Variants in ARHGAP26 observed in about 807,000 individuals in gnomAD.
ARHGAP26 encodes rho GTPase-activating protein 26.
A neutral mutation model predicts 104.8 loss-of-function variants in ARHGAP26; 38 were observed. The observed-to-expected ratio is 0.36, with a 90% CI of 0.28 to 0.48. The LOEUF (loss-of-function observed/expected upper bound fraction) is 0.48, where lower values mean the gene tolerates loss of function less well. Among genes scored for constraint, ARHGAP26 ranks in the 20% least tolerant of loss-of-function variants. The pLI is 0.99. For synonymous variants in ARHGAP26, 341 were observed against 340.0 expected, an observed-to-expected ratio of 1.00 and a Z score of -0.03; for missense variants, 704 against 947.9, an observed-to-expected ratio of 0.74 and a Z score of 3.38.
intron 18 of ARHGAP26, among the ~76,000 whole-genome samples, chr5:143,132,131 A>G (rs1797427696): frequency 1.3e-5 from 2 of 152,058 alleles, no homozygotes; most frequent in South Asian, 4.1e-4. Flanking sequence ...TCTAGGGAAG[A>G]TATGATACTG....
intron 11 of ARHGAP26, among the ~76,000 whole-genome samples, chr5:142,942,436 C>G (rs996205425): frequency 2.6e-5 from 4 of 152,148 alleles, no homozygotes; most frequent in Non-Finnish European, 5.9e-5. Context: ...GGTGTGATAA[C>G]TTCTGTAAGT....
chr5:142,895,443 G>T (rs985721229), intron 6 of ARHGAP26, among the ~76,000 whole-genome samples: 6 of 152,016 alleles, frequency 3.9e-5, no homozygotes, highest in Admixed American at 3.9e-4. Context: ...TGTTGGCCAG[G>T]ATGGTCTCGA....
chr5:143,097,431 G>A (rs1298846345), intron 17 of ARHGAP26, among the ~76,000 whole-genome samples: 1 of 150,062 alleles, frequency 6.7e-6, no homozygotes, highest in Admixed American at 6.6e-5. Flanking sequence ...TTCCCTGTGA[G>A]TACATTCAGG....
At chr5:143,011,010 A>T (rs1778641737) in intron 11 of ARHGAP26, 1 of 152,210 alleles carries the variant, frequency 6.6e-6, no homozygotes, top group African/African-American at 2.4e-5. Flanking sequence ...TGCTGGTCTT[A>T]GCTATTACAC....
chr5:142,925,499 C>T (rs948577003), intron 10 of ARHGAP26, among the ~76,000 whole-genome samples: 4 of 152,206 alleles, frequency 2.6e-5, no homozygotes, highest in African/African-American at 9.7e-5. Flanking sequence ...CAAGATTATT[C>T]TATGTGGCTT....
At chr5:143,115,978 A>G (rs1795382940) in intron 17 of ARHGAP26, among the ~76,000 whole-genome samples, 1 of 143,094 alleles carries the variant, frequency 7.0e-6, no homozygotes, top group Non-Finnish European at 1.5e-5. Context: ...TCATGAAAAC[A>G]ATTTATTGGA....
At chr5:142,780,331 T>G (rs1757249546) in intron 1 of ARHGAP26, among the ~76,000 whole-genome samples, 1 of 152,224 alleles carries the variant, frequency 6.6e-6, no homozygotes, top group Non-Finnish European at 1.5e-5. Flanking sequence ...ACCTCTGGCA[T>G]GAGGCACATG....
At chr5:142,802,593 G>C (rs1762285793) in intron 1 of ARHGAP26, among the ~76,000 whole-genome samples, 1 of 152,164 alleles carries the variant, frequency 6.6e-6, no homozygotes, top group Non-Finnish European at 1.5e-5. Flanking sequence ...TGTTAAGCGG[G>C]GATTCCATGT....
At position 143,012,428 on chromosome 5, in the gene ARHGAP26, C is replaced by T. The variant is rs546638410; in HGVS notation, c.1108-1652C>T. On this transcript the variant is annotated intron_variant, in intron 11 of 22. Transcript: ENST00000645722. ...GTCATATTTCTTAAGTGAAAAATCC[C>T]TTTCTGGATTTAATGGTTCTTTTCA... Among the ~76,000 whole-genome samples the T allele has an allele frequency of 4.7e-5, 7 of 148,608 alleles. No homozygotes were observed. In the East Asian group the frequency reaches 1.4e-3, roughly 29 times the overall value.
At chr5:142,897,538 G>T (rs1759642788) in intron 6 of ARHGAP26, among the ~76,000 whole-genome samples, 1 of 152,200 alleles carries the variant, frequency 6.6e-6, no homozygotes, top group Non-Finnish European at 1.5e-5. Context: ...CTTCACTCCA[G>T]ACCTGAAATT....
At position 143,173,874 on chromosome 5, in the gene ARHGAP26, G is replaced by T. The variant is rs550095285; in HGVS notation, c.1988+26493G>T. ...TTACCCTGAAGATGATTTTTCTTTG[G>T]TGAAGGCTGTTAGACATTGAGGCTG... On this transcript the variant is annotated intron_variant, in intron 20 of 22. Transcript: ENST00000645722. 3.9e-5 allele frequency among the ~76,000 whole-genome samples: 6 copies of T among 152,276 alleles called. No individual in the cohort carries two copies. In the South Asian group the frequency reaches 1.2e-3, roughly 32 times the overall value.
At chr5:142,825,237 CTA>C (rs1156572414) in intron 1 of ARHGAP26, among the ~76,000 whole-genome samples, 1 of 152,210 alleles carries the variant, frequency 6.6e-6, no homozygotes. Context: ...AGTACATGCT[CTA>C]TGTTAGTAAC....
In ARHGAP26 at chr5:142,880,094, C is replaced by T. The variant is rs78501271; in HGVS notation, c.384+649C>T. 0.017 allele frequency among the ~76,000 whole-genome samples: 2,584 copies of T among 152,286 alleles called. 193 individuals are homozygous for T. The East Asian group carries it at 0.25, about 15-fold the overall frequency. ...AGGCCTGCTTCAACCTGGAGATCAC[C>T]GTTTGTTATCACTGACCTGGAGGGA... is the stretch of plus-strand genomic sequence containing the variant. On this transcript the variant is annotated intron_variant, in intron 4 of 22. Coordinates refer to ENST00000645722, the MANE Select transcript of ARHGAP26 (RefSeq NM_001135608.3).
intron 19 of ARHGAP26, among the ~76,000 whole-genome samples, chr5:143,139,816 CTG>C (rs2150937610): frequency 6.6e-6 from 1 of 152,312 alleles, no homozygotes; most frequent in East Asian, 1.9e-4. Flanking sequence ...CCAGCAGAGA[CTG>C]TACTGGTACA....
intron 11 of ARHGAP26, among the ~76,000 whole-genome samples, chr5:143,001,191 A>G (rs758163385): frequency 4.3e-4 from 65 of 152,270 alleles, no homozygotes; most frequent in Non-Finnish European, 7.5e-4. Context: ...GGGTGGGAGT[A>G]AGATGGAAGG....
chr5:143,083,602 G>A (rs894395233), intron 17 of ARHGAP26, among the ~76,000 whole-genome samples: 2 of 152,096 alleles, frequency 1.3e-5, no homozygotes, highest in Admixed American at 6.6e-5. Flanking sequence ...GGGTTCAAGC[G>A]ATGCTCCTGC....
At chr5:142,913,083 G>T (rs1363277132) in intron 9 of ARHGAP26, 116 bp from the exon 10 acceptor site, 1 of 901,034 alleles carries the variant, frequency 1.1e-6, no homozygotes, top group East Asian at 2.4e-5. Flanking sequence ...CCATGGTCAT[G>T]AGCACTCAGA....
At chr5:142,841,233 A>T (rs1232161281) in intron 1 of ARHGAP26, among the ~76,000 whole-genome samples, 1 of 152,186 alleles carries the variant, frequency 6.6e-6, no homozygotes, top group Non-Finnish European at 1.5e-5. Context: ...AATGAGACAC[A>T]AATCACTGTA....
chr5:142,803,721 G>C (rs1762471407), intron 1 of ARHGAP26, among the ~76,000 whole-genome samples: 1 of 152,180 alleles, frequency 6.6e-6, no homozygotes, highest in South Asian at 2.1e-4. Flanking sequence ...AGGGACTCTG[G>C]TGGCATCTGG....
Sources: gnomAD v4.1 joint callset for allele counts (sites outside exome capture counted in the v4.1 genomes callset) on GRCh38, gnomAD v4.1.1 for gene constraint, MANE v1.5 for transcripts, NCBI Gene and HGNC (gene_info 2026-07-23, HGNC 2026-07-21) for gene names.